Variants in ITGB3BP observed in about 807,000 individuals in gnomAD.
ITGB3BP encodes centromere protein R.
ITGB3BP carries 27 observed loss-of-function variants against 29.1 expected under a neutral mutation model. The observed-to-expected ratio is 0.93, with a 90% CI of 0.68 to 1.28. The LOEUF is 1.28. Ranked by LOEUF, ITGB3BP falls within the 50% of genes most tolerant of loss-of-function variation. ITGB3BP has a pLI of 0.00. For synonymous variants in ITGB3BP, 61 were observed against 61.4 expected (o/e 0.99, Z 0.03); for missense variants, 192 against 200.2 (o/e 0.96, Z 0.25).
intron 4 of ITGB3BP, among the ~76,000 whole-genome samples, chr1:63,475,955 G>A (rs1353269102): frequency 7.0e-6 from 1 of 142,424 alleles, no homozygotes; most frequent in Non-Finnish European, 1.5e-5. Context: ...ATGAGATTGT[G>A]TCATTGCATT....
chr1:63,495,684 G>C (rs769001537), intron 2 of ITGB3BP, among the ~76,000 whole-genome samples: 24 of 151,346 alleles, frequency 1.6e-4, no homozygotes, highest in Non-Finnish European at 3.1e-4. Flanking sequence ...GGTGGGGGTG[G>C]GGGTGAAGGC....
intron 3 of ITGB3BP, among the ~76,000 whole-genome samples, chr1:63,479,543 T>C (rs949784236): frequency 6.6e-6 from 1 of 152,188 alleles, no homozygotes; most frequent in Non-Finnish European, 1.5e-5. Context: ...ATTGAACTTG[T>C]TCCTCCTGTT....
intron 4 of ITGB3BP, among the ~76,000 whole-genome samples, chr1:63,460,029 T>C (rs564667834): frequency 4.2e-4 from 63 of 150,090 alleles, no homozygotes; most frequent in African/African-American, 1.3e-3. Flanking sequence ...AAAAAAAAAT[T>C]CCCCCCCGTG....
At chr1:63,503,715 T>C (rs530222292) in intron 2 of ITGB3BP, among the ~76,000 whole-genome samples, 1 of 152,334 alleles carries the variant, frequency 6.6e-6, no homozygotes, top group South Asian at 2.1e-4. Context: ...GGATCCAGTT[T>C]CAGCTTTCTA....
At chr1:63,513,447 A>G (rs966588008) in intron 1 of ITGB3BP, among the ~76,000 whole-genome samples, 33 of 152,034 alleles carry the variant, frequency 2.2e-4, no homozygotes, top group African/African-American at 2.4e-5. Flanking sequence ...CCTTTCCAGC[A>G]TACACAAAAA....
In ITGB3BP at chr1:63,470,583, ATTG is replaced by A. The variant is rs550617416; in HGVS notation, c.254+8178_254+8180del. On this transcript the variant is annotated intron_variant, in intron 4 of 8. Transcript: ENST00000271002. ...AACATTATGTTTGTGATATTCAGCCATTGTTGTTAGCTATAGATAATTTTCACT... is the reference window on the plus strand; with the variant it reads ...AACATTATGTTTGTGATATTCAGCCATTGTTAGCTATAGATAATTTTCACT... 8.5e-5 allele frequency among the ~76,000 whole-genome samples: 13 copies of A among 152,254 alleles called. No individual in the cohort carries two copies. The South Asian group carries it at 2.1e-3, about 24-fold the overall frequency.
At chr1:63,465,548 A>G (rs1227869059) in intron 4 of ITGB3BP, among the ~76,000 whole-genome samples, 2 of 151,488 alleles carry the variant, frequency 1.3e-5, no homozygotes, top group Non-Finnish European at 2.9e-5. Context: ...TGTACCACCC[A>G]GGCTTGCTAA....
intron 2 of ITGB3BP, among the ~76,000 whole-genome samples, chr1:63,493,159 C>A (rs981496360): frequency 7.2e-5 from 11 of 151,962 alleles, no homozygotes; most frequent in African/African-American, 2.7e-4. Flanking sequence ...GCAGCTCATG[C>A]CTGTAATCCC....
chr1:63,444,419 G>GATATATATAAGATATATATATC (rs1644763488), intron 8 of ITGB3BP, among the ~76,000 whole-genome samples: 1 of 147,880 alleles, frequency 6.8e-6, no homozygotes, highest in African/African-American at 2.5e-5. Context: ...AGTGTATGTG[G>GATATATATAAGATATATATATC]ATGGATATAT....
chr1:63,452,863 G>T (rs2100497744), intron 7 of ITGB3BP, among the ~76,000 whole-genome samples: 1 of 152,210 alleles, frequency 6.6e-6, no homozygotes, highest in Non-Finnish European at 1.5e-5. Flanking sequence ...ACTTTCCATT[G>T]CCAACCGATC....
Position 63,446,814 on chromosome 1 carries a change from A to C in ITGB3BP, c.527T>G (p.Leu176Ter). 2 of 1,608,490 alleles carry C rather than the reference A, an allele frequency of 1.2e-6. No homozygotes were observed. The highest frequency in any genetic ancestry group is 1.7e-6 in the Non-Finnish European group (2 of 1,175,150). Residue 176 changes from leucine (L) to a stop codon, truncating the protein, a stop_gained, in exon 8 of 9, where the codon TTA becomes TGA. Transcript: ENST00000271002. LOFTEE classifies it high-confidence loss of function. ...LDSYEFLKAI[L>*]N The stretch of plus-strand genomic sequence containing the variant: ...GAAAGGTGAAACAGTACCTCAGTTT[A>C]AAATGGCTTTAAGGAATTCATAGCT...
intron 4 of ITGB3BP, among the ~76,000 whole-genome samples, chr1:63,477,884 A>G (rs1191332864): frequency 6.6e-6 from 1 of 152,144 alleles, no homozygotes; most frequent in African/African-American, 2.4e-5. Flanking sequence ...GCTTAATTCA[A>G]TCCTTCCAGG....
intron 7 of ITGB3BP, chr1:63,453,671 T>C (rs956378024): frequency 1.3e-4 from 42 of 314,294 alleles, no homozygotes; most frequent in East Asian, 3.8e-4. Flanking sequence ...ATGTTGAAGA[T>C]TGCATTTCAA....
At chr1:63,509,694 T>C (rs1646155826) in intron 1 of ITGB3BP, among the ~76,000 whole-genome samples, 1 of 152,234 alleles carries the variant, frequency 6.6e-6, no homozygotes, top group African/African-American at 2.4e-5. Context: ...CATTATTTCT[T>C]GAGATTAAAC....
In ITGB3BP at chr1:63,499,175, T is replaced by C. The variant is rs1457983815; in HGVS notation, c.49-8957A>G. On this transcript the variant is annotated intron_variant, in intron 2 of 8. Coordinates refer to ENST00000271002, the MANE Select transcript of ITGB3BP (RefSeq NM_014288.5). Reference sequence around the variant, plus strand: ...ACTAGCGTTTTTTTTTTTTTTTTTTTCTTGAGATGTAGTTTCACTCTTGTT... The same window carrying C: ...ACTAGCGTTTTTTTTTTTTTTTTTTCCTTGAGATGTAGTTTCACTCTTGTT... 1.7e-4 allele frequency among the ~76,000 whole-genome samples: 18 copies of C among 107,670 alleles called. No homozygotes were observed. The East Asian group carries it at 2.7e-3, about 16-fold the overall frequency. The allele number at this position is 107,670 out of a possible 152,430, so 70.6% of individuals were successfully genotyped here. A position where few individuals can be genotyped will look rare whatever the true frequency, so the allele number is the denominator to read the frequency against.
chr1:63,480,325 G>A (rs1390739167), intron 3 of ITGB3BP, among the ~76,000 whole-genome samples: 1 of 152,036 alleles, frequency 6.6e-6, no homozygotes, highest in Non-Finnish European at 1.5e-5. Context: ...GTAGATAACT[G>A]TTTTATGAGC....
At chr1:63,467,879 A>G (rs969675588) in intron 4 of ITGB3BP, among the ~76,000 whole-genome samples, 4 of 152,254 alleles carry the variant, frequency 2.6e-5, no homozygotes, top group Non-Finnish European at 5.9e-5. Flanking sequence ...TACATACTGT[A>G]TCTTCTTTTA....
intron 8 of ITGB3BP, among the ~76,000 whole-genome samples, chr1:63,443,535 A>T (rs530275378): frequency 3.4e-4 from 51 of 151,970 alleles, no homozygotes; most frequent in Non-Finnish European, 6.0e-4. Flanking sequence ...GATCAGGGAG[A>T]CTCCTGAATG....
At chr1:63,514,756 G>A (rs1025534861) in intron 1 of ITGB3BP, among the ~76,000 whole-genome samples, 17 of 151,972 alleles carry the variant, frequency 1.1e-4, no homozygotes, top group African/African-American at 4.1e-4. Flanking sequence ...GACCATCCTG[G>A]TCAACATGGT....
Sources: gnomAD v4.1 joint callset for allele counts (sites outside exome capture counted in the v4.1 genomes callset) on GRCh38, gnomAD v4.1.1 for gene constraint, MANE v1.5 for transcripts, NCBI Gene and HGNC (gene_info 2026-07-23, HGNC 2026-07-21) for gene names.